Variants in MAP3K20 observed in about 807,000 individuals in gnomAD.
The protein encoded by MAP3K20 is mitogen-activated protein kinase kinase kinase 20.
Under a neutral mutation model 85.7 loss-of-function variants are expected in MAP3K20, and 40 were observed. The observed-to-expected ratio is 0.47, with a 90% confidence interval of 0.36 to 0.61. MAP3K20 has a LOEUF of 0.61. MAP3K20 is among the 20% of genes least tolerant of loss of function. MAP3K20 has a pLI of 0.00. For synonymous variants in MAP3K20, 325 were observed against 327.7 expected, an observed-to-expected ratio of 0.99 and a Z score of 0.09; for missense variants, 817 against 961.7, an observed-to-expected ratio of 0.85 and a Z score of 1.99.
In MAP3K20 at chr2:173,258,751, C is replaced by A; in HGVS notation, c.1412C>A (p.Thr471Asn). ...ATGGATGGGGATGAAATTGCAATAA[C>A]CTACATAAAAGATGTGACATTCAAC... ...MEMDGDEIAITYIKDVTFNTN... is the reference protein window; with the variant it reads ...MEMDGDEIAINYIKDVTFNTN... Residue 471 changes from threonine (T) to asparagine (N), a missense_variant, in exon 17 of 20, where the codon ACC becomes AAC. By Grantham distance (65) the Thr-to-Asn change is moderately conservative. Coordinates refer to ENST00000375213, the MANE Select transcript of MAP3K20 (RefSeq NM_016653.3). 3 of 1,612,814 alleles carry A rather than the reference C, an allele frequency of 1.9e-6. No individual in the cohort carries two copies. Among genetic ancestry groups the A allele is most frequent in the Non-Finnish European group, 2.5e-6 (3 of 1,179,180 alleles).
intron 2 of MAP3K20, among the ~76,000 whole-genome samples, chr2:173,154,917 G>T (rs2106231915): frequency 6.6e-6 from 1 of 152,310 alleles, no homozygotes; most frequent in Non-Finnish European, 1.5e-5. Flanking sequence ...CCAATAGAAA[G>T]TGAGGAAATG....
At chr2:173,209,624 T>C in intron 9 of MAP3K20, 105 bp from the exon 10 acceptor site, 1 of 859,590 alleles carries the variant, frequency 1.2e-6, no homozygotes. Flanking sequence ...TTTTATTTTG[T>C]TATGGTGGGT....
chr2:173,129,995 G>A (rs1688560385), intron 2 of MAP3K20, among the ~76,000 whole-genome samples: 1 of 152,104 alleles, frequency 6.6e-6, no homozygotes, highest in Non-Finnish European at 1.5e-5. Context: ...ATTTGTTTAA[G>A]GAACCTCTAA....
At chr2:173,190,797 T>C in intron 5 of MAP3K20, 98 bp from the exon 6 acceptor site, 1 of 1,125,400 alleles carries the variant, frequency 8.9e-7, no homozygotes, top group Non-Finnish European at 1.3e-6. Context: ...CATAATCCCA[T>C]ATTGAAGACA....
chr2:173,226,601 G>A (rs1208644301), intron 11 of MAP3K20: 7 of 985,694 alleles, frequency 7.1e-6, no homozygotes, highest in Non-Finnish European at 7.2e-6. Flanking sequence ...GACTAGCCGT[G>A]TTTTCTCAGA....
At chr2:173,184,812 G>T (rs1464044154) in intron 4 of MAP3K20, among the ~76,000 whole-genome samples, 1 of 151,820 alleles carries the variant, frequency 6.6e-6, no homozygotes, top group Admixed American at 6.6e-5. Context: ...CTCCTTGGGA[G>T]GCTGAGGCAA....
At chr2:173,256,729 T>C (rs1382022869) in intron 16 of MAP3K20, among the ~76,000 whole-genome samples, 1 of 152,228 alleles carries the variant, frequency 6.6e-6, no homozygotes, top group East Asian at 1.9e-4. Flanking sequence ...TATACTTGGC[T>C]TATCACATAT....
chr2:173,103,032 C>T (rs762272569), intron 2 of MAP3K20, among the ~76,000 whole-genome samples: 8 of 151,368 alleles, frequency 5.3e-5, no homozygotes, highest in South Asian at 2.1e-4. Context: ...TAGCCTGGGC[C>T]GCAAGAGCAA....
At position 173,111,929 on chromosome 2, in the gene MAP3K20, G is replaced by GT. The variant is rs529813685; in HGVS notation, c.159+20745dup. Reference sequence around the variant, plus strand: ...TTGGTTTCATGTGAATTTTAGAATTGTTTTTTCTAATTCTGTGAAGAATGA... The same window carrying GT: ...TTGGTTTCATGTGAATTTTAGAATTGTTTTTTTCTAATTCTGTGAAGAATGA... On this transcript the variant is annotated intron_variant, in intron 2 of 19. Transcript: ENST00000375213. 4.6e-5 allele frequency among the ~76,000 whole-genome samples: 7 copies of GT among 152,172 alleles called. No homozygotes were observed. The South Asian group carries it at 1.0e-3, about 23-fold the overall frequency.
In MAP3K20 at chr2:173,266,783, T is replaced by TTA. The variant is rs370642586; in HGVS notation, c.*33_*34insTA. The stretch of plus-strand genomic sequence containing the variant: ...AACTACATAGCTTTTCTAAGCAGGT[T>TTA]AAAAAAAAAAAAAAAAAGAAATGTA... On this transcript the variant is annotated 3_prime_UTR_variant, in exon 20 of 20. Transcript: ENST00000375213. The TTA allele has an allele frequency of 9.7e-7, 1 of 1,030,206 alleles. No homozygotes were observed. The highest frequency in any genetic ancestry group is 1.3e-6 in the Non-Finnish European group (1 of 779,878). The allele number at this position is 1,030,206 out of a possible 1,614,324, so 63.8% of individuals were successfully genotyped here. A position where few individuals can be genotyped will look rare whatever the true frequency, so the allele number is the denominator to read the frequency against.
intron 2 of MAP3K20, among the ~76,000 whole-genome samples, chr2:173,124,978 C>T (rs1186160833): frequency 6.6e-6 from 1 of 151,946 alleles, no homozygotes; most frequent in Non-Finnish European, 1.5e-5. Context: ...ACAGTGAGAC[C>T]CTGTCTCTAA....
intron 1 of MAP3K20, among the ~76,000 whole-genome samples, chr2:173,077,553 A>G (rs1686901768): frequency 6.6e-6 from 1 of 152,214 alleles, no homozygotes; most frequent in Non-Finnish European, 1.5e-5. Context: ...CTTTTGGACC[A>G]CTGCACTGTT....
intron 2 of MAP3K20, among the ~76,000 whole-genome samples, chr2:173,144,699 A>G (rs1689088088): frequency 1.3e-5 from 2 of 152,004 alleles, no homozygotes; most frequent in Admixed American, 1.3e-4. Flanking sequence ...CCCTATCTCA[A>G]ACAAAAAAGA....
chr2:173,225,906 A>G (rs1443064723), intron 11 of MAP3K20: 2 of 959,120 alleles, frequency 2.1e-6, no homozygotes, highest in Middle Eastern at 5.4e-4. Flanking sequence ...TGATTCCACA[A>G]TTAAAAAAAA....
intron 2 of MAP3K20, among the ~76,000 whole-genome samples, chr2:173,162,825 A>G (rs1377649320): frequency 6.6e-6 from 1 of 152,182 alleles, no homozygotes; most frequent in Non-Finnish European, 1.5e-5. Context: ...ACCTTGTGTC[A>G]GTGCCACATC....
chr2:173,256,518 T>TAGAC (rs1304644986), intron 16 of MAP3K20, among the ~76,000 whole-genome samples: 2,029 of 61,526 alleles, frequency 0.033, 29 homozygotes, highest in Middle Eastern at 0.067. Context: ...GATAGATAGA[T>TAGAC]AGATAGATAG....
At chr2:173,206,088 T>C (rs1329458911) in intron 9 of MAP3K20, among the ~76,000 whole-genome samples, 3 of 152,260 alleles carry the variant, frequency 2.0e-5, no homozygotes, top group African/African-American at 7.2e-5. Context: ...GATACATAAA[T>C]AGAAATTTTG....
At chr2:173,192,490 C>G (rs1690687168) in intron 7 of MAP3K20, among the ~76,000 whole-genome samples, 1 of 152,132 alleles carries the variant, frequency 6.6e-6, no homozygotes, top group African/African-American at 2.4e-5. Context: ...AGAGTAACAT[C>G]AGGCTTAATA....
chr2:173,190,772 A>G (rs1690623154), intron 5 of MAP3K20, 123 bp from the exon 6 acceptor site: 2 of 957,994 alleles, frequency 2.1e-6, no homozygotes, highest in African/African-American at 3.3e-5. Flanking sequence ...CTGTAAATAC[A>G]TTGATTTCAC....
Sources: gnomAD v4.1 joint callset for allele counts (sites outside exome capture counted in the v4.1 genomes callset) on GRCh38, gnomAD v4.1.1 for gene constraint, MANE v1.5 for transcripts, NCBI Gene and HGNC (gene_info 2026-07-23, HGNC 2026-07-21) for gene names.